Variants in CACHD1 observed in about 807,000 individuals in gnomAD.
CACHD1 encodes the protein VWFA and cache domain-containing protein 1.
In CACHD1, 71 loss-of-function variants were observed where a neutral mutation model predicts 138.7. The ratio of observed to expected loss-of-function variants is 0.51; its 90% CI spans 0.42 to 0.62. The LOEUF is 0.62. CACHD1 is among the 20% of genes least tolerant of loss of function. CACHD1 has a pLI of 0.00. For missense variants in CACHD1, 1,389 were observed against 1,625.3 expected (o/e 0.85, Z 2.50); for synonymous variants, 578 against 591.5 (o/e 0.98, Z 0.33).
chr1:64,596,513 T>C (rs1647153259), intron 3 of CACHD1, among the ~76,000 whole-genome samples: 1 of 152,194 alleles, frequency 6.6e-6, no homozygotes, highest in African/African-American at 2.4e-5. Context: ...TAGCAGCTCC[T>C]GCAGCTACTG....
At chr1:64,564,653 T>C (rs6588097) in intron 2 of CACHD1, among the ~76,000 whole-genome samples, 115,254 of 152,096 alleles carry the variant, frequency 0.76, 46,480 homozygotes, top group Non-Finnish European at 0.89. Flanking sequence ...TGTTATTTAA[T>C]CCTCTTGGGT....
At chr1:64,650,666 A>T in intron 9 of CACHD1, among the ~76,000 whole-genome samples, 1 of 152,178 alleles carries the variant, frequency 6.6e-6, no homozygotes, top group East Asian at 1.9e-4. Flanking sequence ...CCTCAAGTGG[A>T]CATCATATGC....
intron 1 of CACHD1, among the ~76,000 whole-genome samples, chr1:64,497,177 A>G (rs1646311037): frequency 6.6e-6 from 1 of 152,250 alleles, no homozygotes; most frequent in Non-Finnish European, 1.5e-5. Flanking sequence ...CAACACTAAA[A>G]TGAAGGCAGA....
At chr1:64,491,467 G>A (rs900465909) in intron 1 of CACHD1, among the ~76,000 whole-genome samples, 2 of 152,114 alleles carry the variant, frequency 1.3e-5, no homozygotes, top group African/African-American at 4.8e-5. Flanking sequence ...TGGCAGGAGA[G>A]AGAAAGAAGA....
chr1:64,499,923 C>T (rs148907330), intron 1 of CACHD1, among the ~76,000 whole-genome samples: 27 of 152,284 alleles, frequency 1.8e-4, no homozygotes, highest in South Asian at 4.1e-4. Flanking sequence ...ACTGCCCTGT[C>T]CCTGAGCTGT....
intron 9 of CACHD1, among the ~76,000 whole-genome samples, chr1:64,651,448 T>G (rs1570452809): frequency 6.6e-6 from 1 of 152,210 alleles, no homozygotes; most frequent in South Asian, 2.1e-4. Flanking sequence ...TCTCTTTTGA[T>G]CTAACATTTC....
chr1:64,673,762 A>C (rs1392708952), intron 19 of CACHD1, among the ~76,000 whole-genome samples: 1 of 152,200 alleles, frequency 6.6e-6, no homozygotes, highest in Non-Finnish European at 1.5e-5. Context: ...GTTGGTTCCC[A>C]CAGTCTTGTA....
intron 19 of CACHD1, 94 bp from the exon 20 acceptor site, chr1:64,675,306 AT>A: frequency 1.1e-6 from 1 of 927,464 alleles, no homozygotes; most frequent in South Asian, 2.5e-5. Flanking sequence ...ATTTTAAGCT[AT>A]TTTTCGTAGG....
In CACHD1 at chr1:64,675,434, T is replaced by C; in HGVS notation, c.2761T>C (p.Cys921Arg). Residue 921 changes from cysteine (C) to arginine (R), a missense_variant, in exon 20 of 27, where the codon TGT (cysteine) becomes CGT (arginine). Physicochemically the swap from Cys to Arg is radical, Grantham distance 180. Around this residue, in one of 5 missense-constraint regions of CACHD1, gnomAD observed 50 missense variants for 108.2 expected, o/e 0.46. Coordinates refer to ENST00000651257, the MANE Select transcript of CACHD1 (RefSeq NM_020925.4). The stretch of plus-strand genomic sequence containing the variant: ...GACGAACCTTGTGCATGGCAGCCAC[T>C]GTTCCAAATACAGATTAGCAAGGAT... ...DLTNLVHGSHCSKYRLARIPG... is the reference protein window; with the variant it reads ...DLTNLVHGSHRSKYRLARIPG... 6.2e-7 allele frequency: 1 copy of C among 1,606,170 alleles called. No individual in the cohort carries two copies. Among genetic ancestry groups the C allele is most frequent in the Non-Finnish European group, 8.5e-7 (1 of 1,173,628 alleles).
rs765763800 is a variant in CACHD1 at position 64,658,896 on chromosome 1, A to G, written c.1951+23A>G. ...TAGGTAAAGCCCTTACACTTCCTTC[A>G]CATTCTTACTCTTAGCAGCTCACTG... is the stretch of plus-strand genomic sequence containing the variant. On this transcript the variant is annotated intron_variant, in intron 13 of 26. Coordinates refer to ENST00000651257, the MANE Select transcript of CACHD1 (RefSeq NM_020925.4). The G allele has an allele frequency of 1.0e-4, 158 of 1,524,918 alleles. 1 individual carries two copies. The highest frequency in any genetic ancestry group is 1.3e-4 in the Non-Finnish European group (153 of 1,135,102). The allele number at this position is 1,524,918 out of a possible 1,614,324, so 94.5% of individuals were successfully genotyped here.
At chr1:64,592,914 T>G (rs908667422) in intron 3 of CACHD1, among the ~76,000 whole-genome samples, 3 of 152,102 alleles carry the variant, frequency 2.0e-5, no homozygotes, top group African/African-American at 4.8e-5. Flanking sequence ...AAAATAGGGA[T>G]GTACAGTATG....
intron 21 of CACHD1, among the ~76,000 whole-genome samples, chr1:64,676,634 T>A (rs367961425): frequency 2.0e-5 from 3 of 152,114 alleles, no homozygotes; most frequent in East Asian, 3.9e-4. Context: ...CCCAAGCCTG[T>A]CTAAATTTTG....
intron 4 of CACHD1, among the ~76,000 whole-genome samples, chr1:64,609,758 A>G (rs1647463503): frequency 7.2e-6 from 1 of 138,550 alleles, no homozygotes; most frequent in South Asian, 2.2e-4. Flanking sequence ...TAGCAAATGT[A>G]TCCTGAACTT....
chr1:64,689,665 G>A (rs753793618), intron 26 of CACHD1, among the ~76,000 whole-genome samples: 1 of 151,882 alleles, frequency 6.6e-6, no homozygotes, highest in Non-Finnish European at 1.5e-5. Context: ...TTAACTTCAT[G>A]CCTCCCACCT....
intron 21 of CACHD1, among the ~76,000 whole-genome samples, chr1:64,676,477 ATTGT>A (rs1158091246): frequency 6.6e-6 from 1 of 152,076 alleles, no homozygotes; most frequent in Non-Finnish European, 1.5e-5. Context: ...TGTGTGTATA[ATTGT>A]TTGTTGAGAC....
chr1:64,612,796 C>A (rs1366926521), intron 4 of CACHD1, among the ~76,000 whole-genome samples: 1 of 152,208 alleles, frequency 6.6e-6, no homozygotes, highest in East Asian at 1.9e-4. Flanking sequence ...GTTTTCATGC[C>A]TGCTAGTACA....
rs767175285 is a variant in CACHD1 at position 64,679,752 on chromosome 1, C to G, written c.3402C>G (p.Ala1134=). Residue 1134 remains alanine, a synonymous_variant, in exon 24 of 27, where the codon GCC becomes GCG. Transcript: ENST00000651257. ...RSHQHMSPLA[A]QEMSVRMSNL... is the part of the protein sequence containing the mutation. ...ATCAGCATATGTCTCCTCTTGCTGC[C>G]CAAGGTGAGCTCAAAATGAACCCCA... 6.2e-7 allele frequency: 1 copy of G among 1,613,384 alleles called. No homozygotes were observed. Among genetic ancestry groups the G allele is most frequent in the Non-Finnish European group, 8.5e-7 (1 of 1,179,936 alleles).
chr1:64,562,089 T>G (rs1161214418), intron 2 of CACHD1, among the ~76,000 whole-genome samples: 1 of 152,126 alleles, frequency 6.6e-6, no homozygotes, highest in Non-Finnish European at 1.5e-5. Flanking sequence ...TTTTCTCTGC[T>G]TCCGTTTTCA....
At chr1:64,607,332 C>G (rs958828378) in intron 4 of CACHD1, among the ~76,000 whole-genome samples, 1 of 152,112 alleles carries the variant, frequency 6.6e-6, no homozygotes. Flanking sequence ...GTCACCTAGT[C>G]CCTGTATGCT....
Sources: allele counts gnomAD v4.1 joint callset (sites outside exome capture counted in the v4.1 genomes callset), GRCh38; gene constraint gnomAD v4.1.1; regional missense constraint gnomAD v4.1.1; transcripts MANE v1.5; gene names NCBI Gene and HGNC (gene_info 2026-07-23, HGNC 2026-07-21).